The following ZDHHC11 variants were observed in gnomAD, a reference collection of about 807,000 sequenced individuals.
The protein encoded by ZDHHC11 is palmitoyltransferase ZDHHC11.
A neutral mutation model predicts 51.3 loss-of-function variants in ZDHHC11; 44 were observed. That is an observed-to-expected ratio of 0.86 (90% CI 0.67 to 1.10). The LOEUF (loss-of-function observed/expected upper bound fraction) is 1.10, where lower values mean the gene tolerates loss of function less well. ZDHHC11 is among the 50% of genes least tolerant of loss of function. ZDHHC11 has a pLI of 0.00. For synonymous variants in ZDHHC11, 163 were observed against 222.0 expected, an observed-to-expected ratio of 0.73 and a Z score of 2.36; for missense variants, 400 against 537.7, an observed-to-expected ratio of 0.74 and a Z score of 2.53.
chr5:850,110 T>A (rs1327370116), intron 1 of ZDHHC11, among the ~76,000 whole-genome samples: 10 of 152,174 alleles, frequency 6.6e-5, no homozygotes, highest in African/African-American at 9.7e-5. Flanking sequence ...GCAGGGCGGG[T>A]CCTGCGCCAC....
chr5:815,194 C>T (rs542923971), intron 10 of ZDHHC11, among the ~76,000 whole-genome samples: 1 of 151,660 alleles, frequency 6.6e-6, no homozygotes, highest in East Asian at 1.9e-4. Flanking sequence ...ACACAGAGAA[C>T]AGGTGGCCAT....
At chr5:803,548 A>G (rs1342320011) in intron 11 of ZDHHC11, among the ~76,000 whole-genome samples, 1 of 151,316 alleles carries the variant, frequency 6.6e-6, no homozygotes, top group Admixed American at 6.6e-5. Flanking sequence ...GAGTTACCAT[A>G]TTATGATACA....
intron 1 of ZDHHC11, among the ~76,000 whole-genome samples, chr5:857,461 C>T (rs1359633647): frequency 6.6e-6 from 1 of 152,176 alleles, no homozygotes; most frequent in Non-Finnish European, 1.5e-5. Context: ...TTCCTGTTTC[C>T]ATCTGTGTAT....
At chr5:852,172 G>C (rs138333583), upstream of ZDHHC11, among the ~76,000 whole-genome samples, 20 of 152,248 alleles carry the variant, frequency 1.3e-4, no homozygotes, top group South Asian at 2.1e-4. Context: ...AAACCCAAAT[G>C]AAAGTGCCAA....
chr5:806,226 A>T (rs2150296760), intron 11 of ZDHHC11, among the ~76,000 whole-genome samples: 1 of 151,324 alleles, frequency 6.6e-6, no homozygotes, highest in Middle Eastern at 3.4e-3. Context: ...AATTGACTAG[A>T]CAGCCCAGAA....
intron 6 of ZDHHC11, among the ~76,000 whole-genome samples, chr5:834,524 G>T (rs1439222676): frequency 6.7e-6 from 1 of 149,242 alleles, no homozygotes; most frequent in African/African-American, 2.5e-5. Flanking sequence ...GTTTTTGTTT[G>T]TTGTTTTTTT....
At chr5:841,943 G>A in intron 4 of ZDHHC11, 1 of 989,826 alleles carries the variant, frequency 1.0e-6, no homozygotes, top group Non-Finnish European at 1.2e-6. Context: ...ACCACACTCA[G>A]CCTGACAGGA....
intron 10 of ZDHHC11, among the ~76,000 whole-genome samples, chr5:815,800 A>T (rs1233836088): frequency 6.6e-6 from 1 of 151,526 alleles, no homozygotes; most frequent in Admixed American, 6.6e-5. Context: ...TAATTTTTTT[A>T]AAGATAGGTT....
upstream of ZDHHC11, chr5:851,016 G>A (rs1747145541): frequency 8.5e-6 from 2 of 235,572 alleles, no homozygotes. Flanking sequence ...GGACTCCCCA[G>A]GTGCAAGAAG....
intron 3 of ZDHHC11, among the ~76,000 whole-genome samples, chr5:845,321 CCTA>C (rs1745959045): frequency 2.0e-5 from 3 of 152,298 alleles, no homozygotes; most frequent in Non-Finnish European, 2.9e-5. Context: ...TCATCTTCAT[CCTA>C]CTGTCTGGAC....
At chr5:807,696 C>T (rs1216169835) in intron 11 of ZDHHC11, among the ~76,000 whole-genome samples, 1 of 152,170 alleles carries the variant, frequency 6.6e-6, no homozygotes, top group Admixed American at 6.5e-5. Context: ...GGAAGAGATA[C>T]TAATATGTCC....
intron 4 of ZDHHC11, chr5:840,976 G>T: frequency 7.6e-7 from 1 of 1,322,430 alleles, no homozygotes; most frequent in Non-Finnish European, 9.7e-7. Context: ...CAGGGTCACA[G>T]CGCCCACCCC....
chr5:814,871 A>C, intron 10 of ZDHHC11, 76 bp from the exon 11 acceptor site: 2 of 1,382,040 alleles, frequency 1.4e-6, no homozygotes, highest in Non-Finnish European at 1.9e-6. Context: ...TTAAAATTCA[A>C]GTTCATTACT....
intron 10 of ZDHHC11, among the ~76,000 whole-genome samples, chr5:818,401 C>A (rs578054152): frequency 2.0e-5 from 3 of 151,830 alleles, no homozygotes; most frequent in Middle Eastern, 3.4e-3. Flanking sequence ...TGGACGCCAG[C>A]GTCGCTGTTC....
chr5:821,527 C>T (rs999710927), intron 9 of ZDHHC11, among the ~76,000 whole-genome samples: 1 of 151,356 alleles, frequency 6.6e-6, no homozygotes, highest in Non-Finnish European at 1.5e-5. Flanking sequence ...GTGCAGGGCT[C>T]ACGGCAGACA....
At chr5:841,798 G>A (rs1745018693) in intron 4 of ZDHHC11, 4 of 995,966 alleles carry the variant, frequency 4.0e-6, no homozygotes, top group South Asian at 4.3e-5. Context: ...AGGCAGAATG[G>A]CAGAGGGTGG....
chr5:825,612 C>T (rs1742251885), intron 7 of ZDHHC11, among the ~76,000 whole-genome samples: 1 of 152,206 alleles, frequency 6.6e-6, no homozygotes, highest in Admixed American at 6.5e-5. Flanking sequence ...GACAGAACAG[C>T]ATGTGGAGAC....
rs908207360 is a variant in ZDHHC11, at chr5:820,587, G to C, written c.1059-975C>G. 5.5e-4 allele frequency among the ~76,000 whole-genome samples: 83 copies of C among 151,124 alleles called. 3 individuals are homozygous for C. Among genetic ancestry groups the C allele is most frequent in the Non-Finnish European group, 1.0e-4 (7 of 67,554 alleles). ...GGGGCTGGTGCACACCTGGGGAAGGGGGGCTGCACTCCACTTTCTGGCCAT... is the reference window on the plus strand; with the variant it reads ...GGGGCTGGTGCACACCTGGGGAAGGCGGGCTGCACTCCACTTTCTGGCCAT... On this transcript the variant is annotated intron_variant, in intron 9 of 12. Transcript: ENST00000283441.
At chr5:844,225 CGCTGGAGA>C in intron 3 of ZDHHC11, among the ~76,000 whole-genome samples, 1 of 152,282 alleles carries the variant, frequency 6.6e-6, no homozygotes, top group Non-Finnish European at 1.5e-5. Flanking sequence ...CCAGGCCTCT[CGCTGGAGA>C]GGGGTGGCCG....
Sources: allele counts gnomAD v4.1 joint callset (sites outside exome capture counted in the v4.1 genomes callset), GRCh38; gene constraint gnomAD v4.1.1; transcripts MANE v1.5; gene names NCBI Gene and HGNC (gene_info 2026-07-23, HGNC 2026-07-21).